GALNTL6: variants seen among roughly 807,000 people sequenced by gnomAD.
GALNTL6 encodes polypeptide N-acetylgalactosaminyltransferase like 6, also known as polypeptide N-acetylgalactosaminyltransferase-like 6.
GALNTL6 carries 46 observed loss-of-function variants against 73.7 expected under a neutral mutation model. The observed-to-expected ratio is 0.62, with a 90% CI of 0.49 to 0.80. GALNTL6 has a LOEUF of 0.80. Among genes scored for constraint, GALNTL6 ranks in the 30% least tolerant of loss-of-function variants. GALNTL6 has a pLI of 0.00. For missense variants in GALNTL6, 604 were observed against 755.0 expected (o/e 0.80, Z 2.34); for synonymous variants, 259 against 263.7 (o/e 0.98, Z 0.17).
chr4:171,820,821 T>G (rs1020905067), intron 2 of GALNTL6, among the ~76,000 whole-genome samples: 1 of 152,188 alleles, frequency 6.6e-6, no homozygotes, highest in African/African-American at 2.4e-5. Context: ...ACCACCTGTC[T>G]TAAGGACTGG....
intron 5 of GALNTL6, among the ~76,000 whole-genome samples, chr4:172,791,392 G>A (rs888923400): frequency 3.3e-5 from 5 of 152,172 alleles, no homozygotes; most frequent in Non-Finnish European, 7.3e-5. Flanking sequence ...CCAGTACATT[G>A]ATAAACAACA....
intron 3 of GALNTL6, among the ~76,000 whole-genome samples, chr4:172,286,109 C>A (rs1739236622): frequency 6.6e-6 from 1 of 152,148 alleles, no homozygotes; most frequent in Admixed American, 6.6e-5. Flanking sequence ...TTTGTATCCT[C>A]AATTAGTGCC....
intron 10 of GALNTL6, among the ~76,000 whole-genome samples, chr4:173,005,268 A>T (rs1752223871): frequency 6.6e-6 from 1 of 152,130 alleles, no homozygotes; most frequent in Non-Finnish European, 1.5e-5. Flanking sequence ...ACCCATTCCT[A>T]GCCAAGCACT....
chr4:172,379,561 C>T (rs1355577170), intron 5 of GALNTL6, among the ~76,000 whole-genome samples: 1 of 89,802 alleles, frequency 1.1e-5, no homozygotes, highest in Admixed American at 1.1e-4. Context: ...AAAAAAAGAA[C>T]GGGTTAGCTG....
chr4:172,575,875 A>T (rs933873595), intron 5 of GALNTL6, among the ~76,000 whole-genome samples: 1 of 151,966 alleles, frequency 6.6e-6, no homozygotes, highest in African/African-American at 2.4e-5. Context: ...CAGTTTTGGG[A>T]TTTGCTATAT....
chr4:172,870,975 T>A (rs1579590083), intron 7 of GALNTL6, among the ~76,000 whole-genome samples: 2 of 152,204 alleles, frequency 1.3e-5, no homozygotes, highest in Admixed American at 1.3e-4. Context: ...TTCTTACAAA[T>A]GATTTTCAAA....
intron 2 of GALNTL6, among the ~76,000 whole-genome samples, chr4:172,008,790 A>T (rs1740911716): frequency 6.6e-6 from 1 of 151,978 alleles, no homozygotes; most frequent in Non-Finnish European, 1.5e-5. Context: ...GCTGCTTTCC[A>T]CATCCTTATG....
chr4:172,555,543 G>C (rs1211085702), intron 5 of GALNTL6, among the ~76,000 whole-genome samples: 2 of 152,066 alleles, frequency 1.3e-5, no homozygotes, highest in African/African-American at 4.8e-5. Context: ...CATGCTGTGA[G>C]GCCTCTCCAA....
intron 10 of GALNTL6, among the ~76,000 whole-genome samples, chr4:172,965,743 T>A (rs1750298433): frequency 6.6e-6 from 1 of 151,962 alleles, no homozygotes; most frequent in Non-Finnish European, 1.5e-5. Flanking sequence ...TTAACCAATA[T>A]TTTTTTTCTT....
intron 2 of GALNTL6, among the ~76,000 whole-genome samples, chr4:172,006,478 G>A (rs4434209): frequency 0.94 from 142,232 of 151,984 alleles, 66,851 homozygotes; most frequent in East Asian, 1. Context: ...AAAATAGAAA[G>A]CTAGCCAAGG....
At chr4:172,178,709 G>A (rs1418777098) in intron 2 of GALNTL6, among the ~76,000 whole-genome samples, 5 of 138,162 alleles carry the variant, frequency 3.6e-5, no homozygotes, top group African/African-American at 1.4e-4. Flanking sequence ...CATTGTGCAG[G>A]TTAGTTACAT....
rs17057491 is a variant in GALNTL6 at position 171,844,605 on chromosome 4, C to T, written c.138+29887C>T. On this transcript the variant is annotated intron_variant, in intron 2 of 12. Transcript: ENST00000506823. ...GACAGTTCGTTGATGTGACAGATTA[C>T]GAAGGTGGAACAGCAGATATGACCA... 1.6e-3 allele frequency among the ~76,000 whole-genome samples: 247 copies of T among 152,114 alleles called. 1 individual carries two copies. The highest frequency in any genetic ancestry group is 5.0e-3 in the African/African-American group (206 of 41,504).
At chr4:172,789,132 G>T (rs7677835) in intron 5 of GALNTL6, among the ~76,000 whole-genome samples, 3 of 151,956 alleles carry the variant, frequency 2.0e-5, no homozygotes, top group East Asian at 1.9e-4. Context: ...TCAGATCCCA[G>T]AGGTAGAAAG....
chr4:172,195,206 A>G (rs555216104), intron 2 of GALNTL6, among the ~76,000 whole-genome samples: 58 of 152,348 alleles, frequency 3.8e-4, no homozygotes, highest in Admixed American at 6.5e-4. Context: ...AAGGCATTAC[A>G]TAATAGTAAA....
chr4:173,016,651 A>G (rs750132810), intron 11 of GALNTL6, among the ~76,000 whole-genome samples: 6 of 152,160 alleles, frequency 3.9e-5, no homozygotes, highest in African/African-American at 9.7e-5. Flanking sequence ...AGGAATAACC[A>G]ACTTGCATTT....
chr4:172,596,688 A>G (rs551372334), intron 5 of GALNTL6, among the ~76,000 whole-genome samples: 2 of 152,286 alleles, frequency 1.3e-5, no homozygotes, highest in African/African-American at 4.8e-5. Flanking sequence ...CACTCTATAA[A>G]ACACTTCAAT....
intron 5 of GALNTL6, among the ~76,000 whole-genome samples, chr4:172,774,191 A>T (rs1281038859): frequency 1.3e-5 from 2 of 152,228 alleles, no homozygotes; most frequent in Admixed American, 6.5e-5. Context: ...AATTCATCAG[A>T]AAACTCAGAA....
intron 2 of GALNTL6, among the ~76,000 whole-genome samples, chr4:172,194,166 C>G (rs1485605956): frequency 6.6e-6 from 1 of 152,158 alleles, no homozygotes; most frequent in African/African-American, 2.4e-5. Flanking sequence ...AGCTGAAAAA[C>G]ACGACATGAG....
chr4:172,670,202 C>T (rs1485595797), intron 5 of GALNTL6, among the ~76,000 whole-genome samples: 2 of 152,056 alleles, frequency 1.3e-5, no homozygotes, highest in African/African-American at 4.8e-5. Flanking sequence ...TGCCATTTCT[C>T]ATATTGGGTC....
Sources: allele counts gnomAD v4.1 joint callset (sites outside exome capture counted in the v4.1 genomes callset), GRCh38; gene constraint gnomAD v4.1.1; transcripts MANE v1.5; gene names NCBI Gene and HGNC (gene_info 2026-07-23, HGNC 2026-07-21).